The following SLC22A25 variants were observed in gnomAD, a reference collection of about 807,000 sequenced individuals.
SLC22A25 encodes MGI:2442751, MGI:2385316, MGI:3042283, MGI:3645714, MGI:3605624, MGI:2442750.
A neutral mutation model predicts 45.9 loss-of-function variants in SLC22A25; 44 were observed. The ratio of observed to expected loss-of-function variants is 0.96; its 90% CI spans 0.75 to 1.23. SLC22A25 has a LOEUF of 1.23. Ranked by LOEUF, SLC22A25 falls within the 50% of genes most tolerant of loss-of-function variation. The pLI, the probability that SLC22A25 is intolerant of heterozygous loss-of-function variation, is 0.00. For missense variants in SLC22A25, 800 were observed against 666.4 expected (o/e 1.20, Z -2.21); for synonymous variants, 283 against 238.6 (o/e 1.19, Z -1.72).
chr11:63,193,147 C>A (rs1163131357), intron 7 of SLC22A25, among the ~76,000 whole-genome samples: 1 of 152,170 alleles, frequency 6.6e-6, no homozygotes, highest in African/African-American at 2.4e-5. Context: ...CAGACCACAG[C>A]ACAATCTAAT....
chr11:63,163,690 G>T lies in SLC22A25; in HGVS notation c.*134C>A, dbSNP rs1380213169. 1 of 1,240,808 alleles carries T rather than the reference G, an allele frequency of 8.1e-7. No individual in the cohort carries two copies. Among genetic ancestry groups the T allele is most frequent in the Non-Finnish European group, 1.1e-6 (1 of 904,634 alleles). 76.9% of individuals were successfully genotyped at this position (1,240,808 alleles called of 1,614,324 possible). ...CTGTGTGATCTAGTGAGGCTCAGGG[G>T]ATGTATGAGGTCACTGTGGAAGGGA... On this transcript the variant is annotated 3_prime_UTR_variant, in exon 12 of 12. Transcript: ENST00000306494.
intron 9 of SLC22A25, among the ~76,000 whole-genome samples, chr11:63,174,735 A>G (rs1218617317): frequency 6.6e-6 from 1 of 152,140 alleles, no homozygotes; most frequent in African/African-American, 2.4e-5. Flanking sequence ...TGTATGCATA[A>G]TGTTGCACAG....
At chr11:63,164,443 T>C in intron 11 of SLC22A25, 83 bp downstream of exon 11, 1 of 1,191,570 alleles carries the variant, frequency 8.4e-7, no homozygotes, top group Non-Finnish European at 1.2e-6. Context: ...CTAACTTGTC[T>C]TGGATTTTTT....
At chr11:63,232,096 G>C (rs2134847740) in intron 3 of SLC22A25, among the ~76,000 whole-genome samples, 1 of 152,252 alleles carries the variant, frequency 6.6e-6, no homozygotes, top group East Asian at 1.9e-4. Flanking sequence ...TTTTGGCTTA[G>C]GATTGACTTG....
intron 7 of SLC22A25, among the ~76,000 whole-genome samples, chr11:63,206,982 C>A (rs2089422697): frequency 1.3e-5 from 2 of 152,148 alleles, no homozygotes; most frequent in Non-Finnish European, 1.5e-5. Flanking sequence ...TTTCACACAT[C>A]CACAACCATC....
chr11:63,220,109 T>G (rs1223203359), intron 5 of SLC22A25: 1 of 908,978 alleles, frequency 1.1e-6, no homozygotes, highest in East Asian at 6.2e-5. Context: ...TTAGATTACT[T>G]ACCTTTTGTT....
At chr11:63,177,607 C>G (rs2134727023) in intron 9 of SLC22A25, among the ~76,000 whole-genome samples, 1 of 151,660 alleles carries the variant, frequency 6.6e-6, no homozygotes, top group East Asian at 1.9e-4. Context: ...CTTATTACCA[C>G]CAGGAGATAA....
At chr11:63,232,142 T>G (rs1355298273) in intron 3 of SLC22A25, among the ~76,000 whole-genome samples, 4 of 152,180 alleles carry the variant, frequency 2.6e-5, no homozygotes, top group African/African-American at 7.2e-5. Flanking sequence ...ATATGAACTT[T>G]AAAGTAGTTT....
At chr11:63,168,690 A>T (rs1030425807) in intron 9 of SLC22A25, among the ~76,000 whole-genome samples, 1 of 152,214 alleles carries the variant, frequency 6.6e-6, no homozygotes, top group Non-Finnish European at 1.5e-5. Context: ...TCTATGATGG[A>T]TTGGTGTACC....
intron 9 of SLC22A25, among the ~76,000 whole-genome samples, chr11:63,173,299 G>A (rs2087959136): frequency 4.6e-5 from 7 of 152,020 alleles, no homozygotes; most frequent in Admixed American, 4.6e-4. Context: ...ATGGGTTGAT[G>A]GGTGCAGAAA....
Position 63,160,980 on chromosome 11 carries a change from C to T in SLC22A25, c.*2844G>A, listed in dbSNP as rs78592812. On this transcript the variant is annotated 3_prime_UTR_variant, in exon 12 of 12. Coordinates refer to ENST00000306494, the MANE Select transcript of SLC22A25 (RefSeq NM_199352.6). ...AAGCTAACATTTGACCCAACAGTTC[C>T]ACTGCACCATTGTATTAGTCCATTT... is the stretch of plus-strand genomic sequence containing the variant. Among the ~76,000 whole-genome samples the T allele has an allele frequency of 1.3e-3, 194 of 152,308 alleles. 1 individual carries two copies. Among genetic ancestry groups the T allele is most frequent in the African/African-American group, 4.5e-3 (188 of 41,568 alleles).
chr11:63,195,606 T>C (rs2088994023), intron 7 of SLC22A25, among the ~76,000 whole-genome samples: 1 of 151,220 alleles, frequency 6.6e-6, no homozygotes, highest in South Asian at 2.1e-4. Flanking sequence ...TTCAAAGCAG[T>C]GTGTAGAGGG....
At chr11:63,238,448 A>G (rs2090198983) in intron 2 of SLC22A25, among the ~76,000 whole-genome samples, 1 of 152,288 alleles carries the variant, frequency 6.6e-6, no homozygotes, top group East Asian at 1.9e-4. Flanking sequence ...TCGGCATACA[A>G]TTTATAACAA....
chr11:63,217,895 A>G (rs1434296950), intron 5 of SLC22A25, among the ~76,000 whole-genome samples, 160 bp from the exon 6 acceptor site: 1 of 152,230 alleles, frequency 6.6e-6, no homozygotes, highest in Admixed American at 6.5e-5. Context: ...AGGTCTTCTC[A>G]GAAGGAATGT....
intron 7 of SLC22A25, among the ~76,000 whole-genome samples, chr11:63,199,081 C>T (rs562890287): frequency 6.6e-6 from 1 of 152,026 alleles, no homozygotes; most frequent in South Asian, 2.1e-4. Context: ...GATTGAGACA[C>T]AGAAGCCGTT....
chr11:63,204,726 C>A (rs545616079), intron 7 of SLC22A25, among the ~76,000 whole-genome samples: 1 of 152,120 alleles, frequency 6.6e-6, no homozygotes, highest in South Asian at 2.1e-4. Flanking sequence ...ACTTTAACAC[C>A]CCACTGTCAA....
Position 63,164,062 on chromosome 11 carries a change from G to T in SLC22A25, c.1406C>A (p.Thr469Asn). 6.3e-7 allele frequency: 1 copy of T among 1,598,148 alleles called. No homozygotes were observed. The highest frequency in any genetic ancestry group is 8.5e-7 in the Non-Finnish European group (1 of 1,172,050). ...LIPSIIRGRA[T>N]GITGNFANIG... ...ATTAGCAAAGTTTCCAGTGATTCCAGTAGCTCTTCCCCTTGGAGTAAAAAC... is the reference window on the plus strand; with the variant it reads ...ATTAGCAAAGTTTCCAGTGATTCCATTAGCTCTTCCCCTTGGAGTAAAAAC... The change falls in exon 12 of 12, where the codon ACT (threonine) becomes AAT (asparagine). Residue 469 changes from threonine to asparagine, a missense_variant. Thr to Asn is a moderately conservative substitution (Grantham distance 65). Coordinates refer to ENST00000306494, the MANE Select transcript of SLC22A25 (RefSeq NM_199352.6).
intron 7 of SLC22A25, among the ~76,000 whole-genome samples, chr11:63,211,694 G>C (rs1421705660): frequency 1.3e-5 from 2 of 152,088 alleles, no homozygotes; most frequent in Non-Finnish European, 2.9e-5. Flanking sequence ...TTAAATCTTA[G>C]ACCTAAAACC....
chr11:63,235,193 C>T (rs1332777036), intron 3 of SLC22A25, among the ~76,000 whole-genome samples: 1 of 152,160 alleles, frequency 6.6e-6, no homozygotes, highest in East Asian at 1.9e-4. Context: ...GTTGGCCTGC[C>T]TTGCTAGATT....
Sources: allele counts gnomAD v4.1 joint callset (sites outside exome capture counted in the v4.1 genomes callset), GRCh38; gene constraint gnomAD v4.1.1; transcripts MANE v1.5; gene names NCBI Gene and HGNC (gene_info 2026-07-23, HGNC 2026-07-21).